Variants in ERCC6 observed in about 807,000 individuals in gnomAD.
ERCC6 encodes the protein DNA excision repair protein ERCC-6.
In ERCC6, 116 loss-of-function variants were observed where a neutral mutation model predicts 158.7. The ratio of observed to expected loss-of-function variants is 0.73; its 90% CI spans 0.63 to 0.85. ERCC6 has a LOEUF of 0.85. ERCC6 is among the 40% of genes least tolerant of loss of function. The pLI is 0.00. For synonymous variants in ERCC6, 678 were observed against 659.3 expected (o/e 1.03, Z -0.43); for missense variants, 1,698 against 1,799.4 (o/e 0.94, Z 1.02).
intron 4 of ERCC6, 99 bp from the exon 5 acceptor site, chr10:49,524,876 T>C: frequency 2.6e-6 from 4 of 1,545,928 alleles, no homozygotes; most frequent in Non-Finnish European, 3.5e-6. Context: ...CAGCTACAAA[T>C]AACTCATATA....
chr10:49,534,133 CAAAAAAAAAA>C (rs746772551), intron 1 of ERCC6, among the ~76,000 whole-genome samples: 4 of 60,320 alleles, frequency 6.6e-5, no homozygotes, highest in African/African-American at 1.4e-4. Context: ...GACTCAATCT[CAAAAAAAAAA>C]AAAAAAAAAA....
intron 1 of ERCC6, among the ~76,000 whole-genome samples, 189 bp from the exon 2 acceptor site, chr10:49,533,167 TAAG>T (rs1199248450): frequency 6.6e-6 from 1 of 152,040 alleles, no homozygotes; most frequent in African/African-American, 2.4e-5. Flanking sequence ...TGATAATAAA[TAAG>T]AAAAATTAAC....
At chr10:49,507,372 A>G (rs1477238837) in intron 5 of ERCC6, among the ~76,000 whole-genome samples, 1 of 152,188 alleles carries the variant, frequency 6.6e-6, no homozygotes, top group Non-Finnish European at 1.5e-5. Flanking sequence ...AAGAACAGCA[A>G]ATGGAAGAGG....
rs1850486047 is a variant in ERCC6, at chr10:49,456,519, C to A, written c.*2296G>T. 6.6e-6 allele frequency: 1 copy of A among 152,154 alleles called. No homozygotes were observed. The highest frequency in any genetic ancestry group is 2.4e-5 in the African/African-American group (1 of 41,434). 9.4% of individuals were successfully genotyped at this position (152,154 alleles called of 1,614,324 possible). Reference sequence around the variant, plus strand: ...TAGCAGCAGTCTGTGTCATGTGATTCTCTAAATGCATGGAGAATACACACC... The same window carrying A: ...TAGCAGCAGTCTGTGTCATGTGATTATCTAAATGCATGGAGAATACACACC... On this transcript the variant is annotated 3_prime_UTR_variant, in exon 21 of 21. Transcript: ENST00000355832.
intron 5 of ERCC6, chr10:49,516,593 G>A (rs1836973286): frequency 6.2e-7 from 1 of 1,613,922 alleles, no homozygotes; most frequent in African/African-American, 1.3e-5. Flanking sequence ...AGCTAGTCAA[G>A]CCAAGATGTA....
chr10:49,472,940 T>A lies in ERCC6; in HGVS notation c.2798A>T (p.Asp933Val), dbSNP rs997120106. 6.2e-7 allele frequency: 1 copy of A among 1,613,768 alleles called. No individual in the cohort carries two copies. The change falls in exon 15 of 21, where the codon GAC becomes GTC. Residue 933 changes from aspartate (D) to valine (V), a missense_variant. Asp to Val is a radical substitution (Grantham distance 152). Coordinates refer to ENST00000355832, the MANE Select transcript of ERCC6 (RefSeq NM_000124.4). ...LTGANRVVIY[D>V]PDWNPSTDTQ... is the part of the protein sequence containing the mutation. ...GTCCGTGCTTGGGTTCCAGTCTGGG[T>A]CATAGATGACAACTCTGTTTGCCCC... is the stretch of plus-strand genomic sequence containing the variant.
the ERCC6 span, among the ~76,000 whole-genome samples, chr10:49,442,668 T>C: frequency 3.3e-5 from 5 of 151,700 alleles, no homozygotes; most frequent in African/African-American, 1.2e-4. Context: ...CACATCACAC[T>C]GTGCTTGGTT....
At chr10:49,534,387 T>C (rs1837548199) in intron 1 of ERCC6, among the ~76,000 whole-genome samples, 1 of 152,232 alleles carries the variant, frequency 6.6e-6, no homozygotes, top group Non-Finnish European at 1.5e-5. Flanking sequence ...TCCAGAGAAC[T>C]AGTCACACAC....
intron 5 of ERCC6, 35 bp downstream of exon 5, chr10:49,523,998 A>G: frequency 6.2e-7 from 1 of 1,610,366 alleles, no homozygotes; most frequent in Non-Finnish European, 8.5e-7. Flanking sequence ...GATAAAGCAA[A>G]CAGTACAATG....
chr10:49,496,990 C>T (rs113959020), intron 7 of ERCC6, among the ~76,000 whole-genome samples: 72 of 152,304 alleles, frequency 4.7e-4, no homozygotes, highest in African/African-American at 1.5e-3. Context: ...TATACTCCAA[C>T]GTAACAAAAT....
At chr10:49,506,835 T>C (rs1564432596) in intron 5 of ERCC6, among the ~76,000 whole-genome samples, 1 of 151,818 alleles carries the variant, frequency 6.6e-6, no homozygotes, top group Non-Finnish European at 1.5e-5. Context: ...TCAAATTCTA[T>C]TCACTTTCAA....
chr10:49,505,722 A>AACAGC, intron 6 of ERCC6, 162 bp downstream of exon 6: 1 of 738,726 alleles, frequency 1.4e-6, no homozygotes, highest in Non-Finnish European at 2.2e-6. Flanking sequence ...AATTTTAATG[A>AACAGC]ACAGCACGTG....
chr10:49,509,359 C>T (rs1177248070), intron 5 of ERCC6, among the ~76,000 whole-genome samples: 1 of 152,204 alleles, frequency 6.6e-6, no homozygotes, highest in Non-Finnish European at 1.5e-5. Context: ...GAAGAGAAAG[C>T]AAGTTACGTA....
downstream of ERCC6, among the ~76,000 whole-genome samples, chr10:49,451,177 G>T (rs1044292716): frequency 1.0e-4 from 13 of 130,136 alleles, no homozygotes; most frequent in Admixed American, 3.2e-4. Flanking sequence ...AGTTTCAATA[G>T]TTTTTTTTTT....
chr10:49,451,177 G>GTT (rs35839478), downstream of ERCC6, among the ~76,000 whole-genome samples: 45,550 of 130,044 alleles, frequency 0.35, 9,059 homozygotes, highest in Non-Finnish European at 0.44. Flanking sequence ...AGTTTCAATA[G>GTT]TTTTTTTTTT....
chr10:49,516,620 A>G, intron 5 of ERCC6: 1 of 1,614,198 alleles, frequency 6.2e-7, no homozygotes. Flanking sequence ...TACTGCAAGC[A>G]TATAAGTTGG....
chr10:49,533,039 A>C, intron 1 of ERCC6, 61 bp from the exon 2 acceptor site: 1 of 1,544,870 alleles, frequency 6.5e-7, no homozygotes, highest in Non-Finnish European at 8.8e-7. Context: ...GTTCTTAAAT[A>C]TTTTATAATT....
intron 18 of ERCC6, among the ~76,000 whole-genome samples, chr10:49,462,827 G>C (rs1432047240): frequency 6.6e-6 from 1 of 152,190 alleles, no homozygotes; most frequent in African/African-American, 2.4e-5. Flanking sequence ...CCACACTCTT[G>C]ACAAGCCTCT....
At chr10:49,441,363 G>C in the ERCC6 span, among the ~76,000 whole-genome samples, 1 of 152,184 alleles carries the variant, frequency 6.6e-6, no homozygotes, top group African/African-American at 2.4e-5. Context: ...GGAAAACCCT[G>C]GCTGCCCGCA....
Sources: allele counts gnomAD v4.1 joint callset (sites outside exome capture counted in the v4.1 genomes callset), GRCh38; gene constraint gnomAD v4.1.1; transcripts MANE v1.5; gene names NCBI Gene and HGNC (gene_info 2026-07-23, HGNC 2026-07-21).